Variants in HCLS1 observed in about 807,000 individuals in gnomAD.
The protein encoded by HCLS1 is hematopoietic lineage cell-specific protein.
HCLS1 carries 44 observed loss-of-function variants against 68.6 expected under a neutral mutation model. The ratio of observed to expected loss-of-function variants is 0.64; its 90% CI spans 0.50 to 0.82. The LOEUF (loss-of-function observed/expected upper bound fraction) is 0.82. HCLS1 is among the 40% of genes least tolerant of loss of function. The pLI, the probability that HCLS1 is intolerant of heterozygous loss-of-function variation, is 0.00. For synonymous variants in HCLS1, 217 were observed against 225.8 expected (o/e 0.96, Z 0.35); for missense variants, 602 against 612.1 (o/e 0.98, Z 0.17).
chr3:121,646,319 A>G (rs2049247591), intron 4 of HCLS1, among the ~76,000 whole-genome samples: 5 of 105,162 alleles, frequency 4.8e-5, no homozygotes, highest in Non-Finnish European at 6.7e-5. Flanking sequence ...ATATAATATA[A>G]TATATATTAT....
intron 3 of HCLS1, 50 bp from the exon 4 acceptor site, chr3:121,647,498 A>T: frequency 6.2e-7 from 1 of 1,602,972 alleles, no homozygotes; most frequent in Non-Finnish European, 8.5e-7. Context: ...GAGATCAAGA[A>T]ACCCATCTTC....
chr3:121,658,081 A>G, intron 2 of HCLS1, 183 bp downstream of exon 2: 2 of 574,338 alleles, frequency 3.5e-6, no homozygotes, highest in South Asian at 4.2e-5. Context: ...TTCATCCCTG[A>G]TACCAGGTAT....
Position 121,632,456 on chromosome 3 carries a change from G to C in HCLS1, c.1116C>G (p.Pro372=). 1.2e-6 allele frequency: 2 copies of C among 1,612,650 alleles called. No homozygotes were observed. The highest frequency in any genetic ancestry group is 2.2e-5 in the East Asian group (1 of 44,840). The change falls in exon 12 of 14, where the codon CCC becomes CCG. Residue 372 remains proline, a synonymous_variant. Transcript: ENST00000314583. ...CGTCCTCATAGTCATTCTCAGGCTC[G>C]GGCTCAGGCTCGGGCTCAGGCTCAG... ...AEPEPEPEPE[P]EPENDYEDVE... is the part of the protein sequence containing the mutation.
At chr3:121,635,260 TCTCTCTCTCTCTCTC>T (rs2049139770) in intron 9 of HCLS1, among the ~76,000 whole-genome samples, 2 of 148,090 alleles carry the variant, frequency 1.4e-5, no homozygotes, top group East Asian at 2.0e-4. Flanking sequence ...TCTCTCTCTC[TCTCTCTCTCTCTCTC>T]CTCTCTCTCC....
intron 3 of HCLS1, among the ~76,000 whole-genome samples, chr3:121,651,946 A>G (rs999486147): frequency 3.3e-5 from 5 of 152,230 alleles, no homozygotes; most frequent in African/African-American, 9.6e-5. Context: ...CCAAATGCCC[A>G]TGACAGTTTC....
intron 2 of HCLS1, 137 bp downstream of exon 2, chr3:121,658,127 C>T (rs1937914323): frequency 1.5e-6 from 1 of 679,128 alleles, no homozygotes; most frequent in African/African-American, 1.8e-5. Flanking sequence ...AATTGTCCTA[C>T]CAATTAGTCC....
chr3:121,644,362 A>G (rs1050797607), intron 5 of HCLS1: 1 of 295,264 alleles, frequency 3.4e-6, no homozygotes, highest in Non-Finnish European at 6.8e-6. Context: ...TCATAGATTG[A>G]TGCTAAATTC....
chr3:121,636,261 T>C lies in HCLS1; in HGVS notation c.621+173A>G, dbSNP rs530023319. Among the ~76,000 whole-genome samples, 9 of 152,350 alleles carry C rather than the reference T, an allele frequency of 5.9e-5. No individual in the cohort carries two copies. The South Asian group carries it at 1.9e-3, about 32-fold the overall frequency. On this transcript the variant is annotated intron_variant, in intron 8 of 13. Transcript: ENST00000314583. ...CTCAAAGCTCAGGCTTTGGCAGACA[T>C]GCCCCTTAGATGCTGAGGGCAGTCA...
chr3:121,632,258 A>G, intron 12 of HCLS1, 74 bp from the exon 13 acceptor site: 2 of 1,600,392 alleles, frequency 1.2e-6, no homozygotes, highest in Non-Finnish European at 8.6e-7. Flanking sequence ...TACTGGGGCA[A>G]TAGAGAAATT....
At chr3:121,645,782 A>G (rs983593894) in intron 4 of HCLS1, among the ~76,000 whole-genome samples, 1 of 150,296 alleles carries the variant, frequency 6.7e-6, no homozygotes, top group Admixed American at 6.7e-5. Context: ...TGAGTCAAAA[A>G]ATATATATTT....
At chr3:121,655,071 C>T (rs547953831) in intron 3 of HCLS1, among the ~76,000 whole-genome samples, 7 of 152,188 alleles carry the variant, frequency 4.6e-5, no homozygotes, top group Admixed American at 1.3e-4. Flanking sequence ...GGGAGATGAG[C>T]GAGATTTTTT....
At chr3:121,634,488 G>GGAA in intron 9 of HCLS1, 70 bp from the exon 10 acceptor site, 1 of 1,362,514 alleles carries the variant, frequency 7.3e-7, no homozygotes, top group African/African-American at 1.4e-5. Flanking sequence ...GGCACTTGAA[G>GGAA]GAAGAAGGGG....
chr3:121,650,041 C>G (rs1937708801), intron 3 of HCLS1, among the ~76,000 whole-genome samples: 4 of 152,132 alleles, frequency 2.6e-5, no homozygotes. Context: ...TTTTTACATA[C>G]TGGCCATAAA....
At chr3:121,655,690 T>TTG in intron 3 of HCLS1, 1 of 148,376 alleles carries the variant, frequency 6.7e-6, no homozygotes, top group South Asian at 2.1e-4. Context: ...GTTTTTTTTT[T>TTG]TTTTTTTTTG....
intron 3 of HCLS1, among the ~76,000 whole-genome samples, chr3:121,655,141 T>A (rs1160533453): frequency 1.3e-5 from 2 of 152,174 alleles, no homozygotes; most frequent in African/African-American, 4.8e-5. Context: ...CAAGGAAATG[T>A]GCAGGGTCAC....
Position 121,643,019 on chromosome 3 carries a change from G to A in HCLS1, c.400-38C>T, listed in dbSNP as rs1376310012. ...GGAGACAGAATTGGTTAGAGTCAGA[G>A]CTGACAGGTTTTCCTCTTCCTAACC... On this transcript the variant is annotated intron_variant, in intron 5 of 13. Transcript: ENST00000314583. The A allele has an allele frequency of 2.5e-6, 4 of 1,573,132 alleles. No individual in the cohort carries two copies. The Admixed American group carries it at 6.7e-5, about 26-fold the overall frequency.
intron 11 of HCLS1, 69 bp downstream of exon 11, chr3:121,632,998 T>A (rs2049114563): frequency 3.6e-6 from 4 of 1,110,088 alleles, no homozygotes; most frequent in South Asian, 1.4e-5. Flanking sequence ...TTGGCCACCC[T>A]GCACAGCCCA....
In HCLS1 at chr3:121,644,870, G is replaced by C. The variant is rs2107469165; in HGVS notation, c.347C>G (p.Ala116Gly). ...GTACTTGCCCCCAAAGCCTTTGGCAGCATCCGTCTGAGAAGAGTGCTTCTC... is the reference window on the plus strand; with the variant it reads ...GTACTTGCCCCCAAAGCCTTTGGCACCATCCGTCTGAGAAGAGTGCTTCTC... ...EVEKHSSQTD[A>G]AKGFGGKYGV... is the part of the protein sequence containing the mutation. The change falls in exon 5 of 14, where the codon GCT becomes GGT. Residue 116 changes from alanine to glycine, a missense_variant. Physicochemically the swap from Ala to Gly is moderately conservative, Grantham distance 60. Coordinates refer to ENST00000314583, the MANE Select transcript of HCLS1 (RefSeq NM_005335.6). 1 of 1,614,086 alleles carries C rather than the reference G, an allele frequency of 6.2e-7. No homozygotes were observed. The highest frequency in any genetic ancestry group is 8.5e-7 in the Non-Finnish European group (1 of 1,179,988).
At chr3:121,635,616 G>C in intron 9 of HCLS1, 119 bp downstream of exon 9, 2 of 775,812 alleles carry the variant, frequency 2.6e-6, no homozygotes, top group Non-Finnish European at 4.5e-6. Context: ...ATGAGGATAG[G>C]GATCAGGTCT....
Sources: allele counts gnomAD v4.1 joint callset (sites outside exome capture counted in the v4.1 genomes callset), GRCh38; gene constraint gnomAD v4.1.1; transcripts MANE v1.5; gene names NCBI Gene and HGNC (gene_info 2026-07-23, HGNC 2026-07-21).